Variants in TWIST2 observed in about 807,000 individuals in gnomAD.
TWIST2 encodes twist family bHLH transcription factor 2.
In TWIST2, 1 loss-of-function variant was observed where a neutral mutation model predicts 11.6. The ratio of observed to expected loss-of-function variants is 0.09; its 90% CI spans 0.03 to 0.41. TWIST2 has a LOEUF of 0.41. TWIST2 is among the 10% of genes least tolerant of loss of function. The pLI is 0.98. For missense variants in TWIST2, 168 were observed against 226.4 expected, an observed-to-expected ratio of 0.74 and a Z score of 1.66; for synonymous variants, 87 against 96.6, an observed-to-expected ratio of 0.90 and a Z score of 0.58.
chr2:238,853,304 C>A (rs1178575004), intron 1 of TWIST2, among the ~76,000 whole-genome samples: 2 of 151,370 alleles, frequency 1.3e-5, no homozygotes, highest in Non-Finnish European at 2.9e-5. Context: ...AAATTATTCG[C>A]CAAGAAGTAT....
intron 1 of TWIST2, among the ~76,000 whole-genome samples, chr2:238,900,758 GT>G (rs1278363706): frequency 6.6e-6 from 1 of 152,140 alleles, no homozygotes; most frequent in Non-Finnish European, 1.5e-5. Context: ...GCATCTGCTG[GT>G]TGTCTGGGTC....
chr2:238,884,537 G>A (rs1000823999), intron 1 of TWIST2, among the ~76,000 whole-genome samples: 2 of 152,208 alleles, frequency 1.3e-5, no homozygotes, highest in Non-Finnish European at 2.9e-5. Flanking sequence ...TCTGATTCAC[G>A]GGCACGTTCA....
At chr2:238,860,750 C>G (rs1692416896) in intron 1 of TWIST2, among the ~76,000 whole-genome samples, 1 of 152,178 alleles carries the variant, frequency 6.6e-6, no homozygotes, top group Admixed American at 6.5e-5. Context: ...CCAGCCTGGC[C>G]AACATGGCGA....
chr2:238,870,464 A>C (rs1574754567), intron 1 of TWIST2, among the ~76,000 whole-genome samples: 1 of 115,256 alleles, frequency 8.7e-6, no homozygotes, highest in Non-Finnish European at 1.8e-5. Flanking sequence ...CACACCACAC[A>C]CCCGACACAC....
At chr2:238,856,770 A>C (rs1423875122) in intron 1 of TWIST2, among the ~76,000 whole-genome samples, 1 of 152,130 alleles carries the variant, frequency 6.6e-6, no homozygotes, top group African/African-American at 2.4e-5. Context: ...AGAAGACAGC[A>C]GTTTCTCAGA....
chr2:238,893,309 G>T (rs1487360958), intron 1 of TWIST2, among the ~76,000 whole-genome samples: 1 of 39,004 alleles, frequency 2.6e-5, no homozygotes, highest in Non-Finnish European at 6.8e-5. Flanking sequence ...TTTAAAAACG[G>T]CCTATTTTTT....
chr2:238,869,470 C>A (rs1461023266), intron 1 of TWIST2, among the ~76,000 whole-genome samples: 1 of 152,160 alleles, frequency 6.6e-6, no homozygotes, highest in African/African-American at 2.4e-5. Context: ...AGAGAACTAT[C>A]CAGAAGAGAT....
At chr2:238,907,449 C>T (rs1204776465) in intron 1 of TWIST2, among the ~76,000 whole-genome samples, 1 of 152,166 alleles carries the variant, frequency 6.6e-6, no homozygotes, top group Non-Finnish European at 1.5e-5. Flanking sequence ...GGGAACCAGG[C>T]TCTGGGTAGC....
At chr2:238,869,746 C>G (rs960114620) in intron 1 of TWIST2, among the ~76,000 whole-genome samples, 8 of 152,090 alleles carry the variant, frequency 5.3e-5, no homozygotes, top group African/African-American at 1.9e-4. Context: ...GAGTTTGAGG[C>G]CAACCTGGGC....
chr2:238,901,626 C>T (rs924856593), intron 1 of TWIST2, among the ~76,000 whole-genome samples: 39 of 152,248 alleles, frequency 2.6e-4, no homozygotes, highest in African/African-American at 8.2e-4. Context: ...CCACGCTGAG[C>T]GGTTCCATAC....
rs1234490867 is a variant in TWIST2 at position 238,896,876 on chromosome 2, A to G, written c.*36-12966A>G. Among the ~76,000 whole-genome samples the G allele has an allele frequency of 2.0e-5, 3 of 152,290 alleles. No homozygotes were observed. The East Asian group carries it at 5.8e-4, about 29-fold the overall frequency. On this transcript the variant is annotated intron_variant, in intron 1 of 1. Coordinates refer to ENST00000612363, the MANE Select transcript of TWIST2 (RefSeq NM_001271893.4). ...TCACAGGGCAGAAGCTTCCACCCGG[A>G]GCCCACAGACAGAGACAAGGGGGTC...
At chr2:238,889,698 A>G (rs1272792759) in intron 1 of TWIST2, among the ~76,000 whole-genome samples, 1 of 152,250 alleles carries the variant, frequency 6.6e-6, no homozygotes, top group East Asian at 1.9e-4. Context: ...TGCAGTCGTA[A>G]CATGGAGTAG....
At chr2:238,884,153 G>C (rs535020691) in intron 1 of TWIST2, among the ~76,000 whole-genome samples, 8 of 152,196 alleles carry the variant, frequency 5.3e-5, no homozygotes, top group Non-Finnish European at 1.2e-4. Context: ...AAACAATGGG[G>C]CCGGCACTTA....
chr2:238,848,956 A>C (rs1027839472), intron 1 of TWIST2, among the ~76,000 whole-genome samples: 6 of 151,870 alleles, frequency 4.0e-5, no homozygotes, highest in Non-Finnish European at 8.8e-5. Context: ...GTCAGTTGGG[A>C]ACCGGCGGAC....
At chr2:238,853,448 G>GAGAGA (rs1692278424) in intron 1 of TWIST2, among the ~76,000 whole-genome samples, 10 of 130,630 alleles carry the variant, frequency 7.7e-5, no homozygotes, top group Non-Finnish European at 1.3e-4. Flanking sequence ...AGGGAGAGAT[G>GAGAGA]GAGAGAGAGA....
chr2:238,852,526 C>A (rs1278153196), intron 1 of TWIST2, among the ~76,000 whole-genome samples: 1 of 152,188 alleles, frequency 6.6e-6, no homozygotes, highest in East Asian at 1.9e-4. Flanking sequence ...GAAACAGAAT[C>A]TAAGAGATAC....
At position 238,891,380 on chromosome 2, in the gene TWIST2, C is replaced by T. The variant is rs547429828; in HGVS notation, c.*36-18462C>T. 1.1e-4 allele frequency among the ~76,000 whole-genome samples: 17 copies of T among 152,296 alleles called. No individual in the cohort carries two copies. In the East Asian group the frequency reaches 2.3e-3, roughly 21 times the overall value. ...TCACTGGTCATGGCTGATGACTGGC[C>T]GAGCACCTGTGTGTCTCCTCAAAAG... On this transcript the variant is annotated intron_variant, in intron 1 of 1. Coordinates refer to ENST00000612363, the MANE Select transcript of TWIST2 (RefSeq NM_001271893.4).
At chr2:238,871,389 ATG>A (rs1559274992) in intron 1 of TWIST2, among the ~76,000 whole-genome samples, 8 of 46,932 alleles carry the variant, frequency 1.7e-4, no homozygotes, top group Admixed American at 2.5e-4. Flanking sequence ...CACACACCCC[ATG>A]CACACACCAC....
At chr2:238,856,631 G>A (rs540324511) in intron 1 of TWIST2, among the ~76,000 whole-genome samples, 1 of 152,208 alleles carries the variant, frequency 6.6e-6, no homozygotes, top group East Asian at 1.9e-4. Flanking sequence ...GCTACGGAAG[G>A]GACTCAGGTC....
Sources: gnomAD v4.1 joint callset for allele counts (sites outside exome capture counted in the v4.1 genomes callset) on GRCh38, gnomAD v4.1.1 for gene constraint, MANE v1.5 for transcripts, NCBI Gene and HGNC (gene_info 2026-07-23, HGNC 2026-07-21) for gene names.